The following TNFSF4 variants were observed in gnomAD, a reference collection of about 807,000 sequenced individuals.
TNFSF4 encodes the protein tumor necrosis factor ligand superfamily member 4.
In TNFSF4, 4 loss-of-function variants were observed where a neutral mutation model predicts 7.3. The ratio of observed to expected loss-of-function variants is 0.55; its 90% confidence interval spans 0.27 to 1.25. TNFSF4 has a LOEUF of 1.25. Among genes scored for constraint, TNFSF4 ranks in the 50% most tolerant of loss-of-function variants. TNFSF4 has a pLI of 0.12. For synonymous variants in TNFSF4, 76 were observed against 83.7 expected, an observed-to-expected ratio of 0.91 and a Z score of 0.50; for missense variants, 181 against 208.8, an observed-to-expected ratio of 0.87 and a Z score of 0.82.
At chr1:173,445,192 A>G in the TNFSF4 span, among the ~76,000 whole-genome samples, 1 of 152,206 alleles carries the variant, frequency 6.6e-6, no homozygotes, top group Non-Finnish European at 1.5e-5. Flanking sequence ...AAAATACAAA[A>G]AACAACTACC....
the TNFSF4 span, among the ~76,000 whole-genome samples, chr1:173,421,808 T>C: frequency 1.3e-5 from 2 of 152,206 alleles, no homozygotes; most frequent in African/African-American, 2.4e-5. Flanking sequence ...TCTGGCTTAA[T>C]TACCTGAAAC....
At chr1:173,251,374 T>C in the TNFSF4 span, among the ~76,000 whole-genome samples, 2 of 152,166 alleles carry the variant, frequency 1.3e-5, no homozygotes, top group Non-Finnish European at 2.9e-5. Context: ...TGAAGGGAAA[T>C]TGAATTAATC....
chr1:173,267,127 C>T, the TNFSF4 span, among the ~76,000 whole-genome samples: 2 of 151,984 alleles, frequency 1.3e-5, no homozygotes, highest in Non-Finnish European at 2.9e-5. Context: ...AAATTAAGAT[C>T]GAAAGATGTA....
At chr1:173,318,677 T>G in the TNFSF4 span, among the ~76,000 whole-genome samples, 1 of 152,126 alleles carries the variant, frequency 6.6e-6, no homozygotes, top group Non-Finnish European at 1.5e-5. Flanking sequence ...AAGCAAGAAT[T>G]TATATGAAGA....
chr1:173,273,972 A>C, the TNFSF4 span, among the ~76,000 whole-genome samples: 1 of 152,064 alleles, frequency 6.6e-6, no homozygotes, highest in Non-Finnish European at 1.5e-5. Context: ...TACAAAAGTG[A>C]GATATTACTT....
At chr1:173,311,265 A>G in the TNFSF4 span, among the ~76,000 whole-genome samples, 1 of 151,994 alleles carries the variant, frequency 6.6e-6, no homozygotes. Flanking sequence ...CAATCAGGAA[A>G]CAGAAATCAT....
chr1:173,305,826 A>G, the TNFSF4 span, among the ~76,000 whole-genome samples: 1 of 151,834 alleles, frequency 6.6e-6, no homozygotes, highest in African/African-American at 2.4e-5. Flanking sequence ...CTATCATGAG[A>G]CTAGCATGGA....
At chr1:173,354,971 G>T in the TNFSF4 span, among the ~76,000 whole-genome samples, 2 of 152,136 alleles carry the variant, frequency 1.3e-5, no homozygotes, top group Admixed American at 1.3e-4. Context: ...GGTTTTGAAG[G>T]TCAGAAGTCC....
the TNFSF4 span, among the ~76,000 whole-genome samples, chr1:173,360,105 C>A: frequency 6.6e-6 from 1 of 152,284 alleles, no homozygotes; most frequent in Non-Finnish European, 1.5e-5. Flanking sequence ...TCTCCCCATT[C>A]CAACTAGCCG....
the TNFSF4 span, among the ~76,000 whole-genome samples, chr1:173,343,035 C>T: frequency 6.6e-6 from 1 of 152,148 alleles, no homozygotes; most frequent in Admixed American, 6.6e-5. Context: ...AGGAATCAGA[C>T]CAAATTAGTT....
chr1:173,209,386 AG>A (rs1329667391), upstream of TNFSF4, among the ~76,000 whole-genome samples: 2 of 152,220 alleles, frequency 1.3e-5, no homozygotes, highest in African/African-American at 4.8e-5. Context: ...CTGACCTTTC[AG>A]TCTCAGGCAC....
At chr1:173,446,861 T>G in the TNFSF4 span, among the ~76,000 whole-genome samples, 1 of 152,218 alleles carries the variant, frequency 6.6e-6, no homozygotes, top group African/African-American at 2.4e-5. Flanking sequence ...TTTGAGGTTT[T>G]GGGACTTGGA....
the TNFSF4 span, among the ~76,000 whole-genome samples, chr1:173,412,533 G>A: frequency 2.0e-5 from 3 of 152,188 alleles, no homozygotes; most frequent in Non-Finnish European, 2.9e-5. Flanking sequence ...AAAAGACATC[G>A]TTAGGAGAGT....
chr1:173,399,077 C>T, the TNFSF4 span, among the ~76,000 whole-genome samples: 2 of 152,108 alleles, frequency 1.3e-5, no homozygotes, highest in African/African-American at 2.4e-5. Context: ...GTTATCTGAC[C>T]CACCAAGCCA....
the TNFSF4 span, among the ~76,000 whole-genome samples, chr1:173,423,457 A>G: frequency 6.6e-6 from 1 of 152,144 alleles, no homozygotes; most frequent in Non-Finnish European, 1.5e-5. Flanking sequence ...CCTTTCATAT[A>G]CCAAGTATGC....
chr1:173,294,341 C>G, the TNFSF4 span, among the ~76,000 whole-genome samples: 59 of 152,116 alleles, frequency 3.9e-4, no homozygotes, highest in African/African-American at 1.4e-3. Context: ...CCTAAGTAAA[C>G]TAGCGCAGGA....
the TNFSF4 span, among the ~76,000 whole-genome samples, chr1:173,321,579 T>C: frequency 1.3e-5 from 2 of 151,780 alleles, no homozygotes; most frequent in African/African-American, 2.4e-5. Flanking sequence ...AAGATACCCA[T>C]ATGACAAAGG....
At chr1:173,430,720 G>A in the TNFSF4 span, among the ~76,000 whole-genome samples, 3 of 152,194 alleles carry the variant, frequency 2.0e-5, no homozygotes, top group African/African-American at 7.2e-5. Flanking sequence ...ACAAATAATT[G>A]TATTAGGTGA....
the TNFSF4 span, among the ~76,000 whole-genome samples, chr1:173,377,447 G>T: frequency 1.3e-5 from 2 of 152,252 alleles, no homozygotes; most frequent in Non-Finnish European, 2.9e-5. Context: ...CAGCTCTGGG[G>T]TCCCGACAAC....
Sources: gnomAD v4.1 joint callset for allele counts (sites outside exome capture counted in the v4.1 genomes callset) on GRCh38, gnomAD v4.1.1 for gene constraint, MANE v1.5 for transcripts, NCBI Gene and HGNC (gene_info 2026-07-23, HGNC 2026-07-21) for gene names.